Variants in RB1 observed in about 807,000 individuals in gnomAD.
RB1 encodes the protein RB transcriptional corepressor 1.
RB1 carries 18 observed loss-of-function variants against 135.4 expected under a neutral mutation model. The ratio of observed to expected loss-of-function variants is 0.13; its 90% CI spans 0.09 to 0.20. RB1 has a LOEUF of 0.20. Ranked by LOEUF, RB1 falls within the 10% of genes least tolerant of loss-of-function variation. The probability of loss-of-function intolerance (pLI) is 1.00; values close to 1 mark genes in which losing one functional copy is unlikely to be tolerated. For synonymous variants in RB1, 365 were observed against 373.2 expected (o/e 0.98, Z 0.25); for missense variants, 868 against 1,110.0 (o/e 0.78, Z 3.10).
At chr13:48,452,929 T>G in intron 17 of RB1, 64 bp from the exon 18 acceptor site, 6 of 1,601,184 alleles carry the variant, frequency 3.7e-6, no homozygotes, top group Non-Finnish European at 5.1e-6. Flanking sequence ...CAATATGATT[T>G]TGATATGTAC....
In RB1 at chr13:48,333,735, GAAAAA is replaced by G. The variant is rs369961896; in HGVS notation, c.265-8859_265-8855del. Among the ~76,000 whole-genome samples the G allele has an allele frequency of 7.1e-3, 956 of 133,718 alleles. 5 individuals carry two copies. The highest frequency in any genetic ancestry group is 0.025 in the African/African-American group (922 of 37,366). 87.7% of individuals were successfully genotyped at this position (133,718 alleles called of 152,430 possible). A position where few individuals can be genotyped will look rare whatever the true frequency, so the allele number is the denominator to read the frequency against. ...TCTCTGAGCATATGGAGAAAAAAAA[GAAAAA>G]AAAACAAAGAGAGAAAAAGCCACTC... On this transcript the variant is annotated intron_variant, in intron 2 of 26. Coordinates refer to ENST00000267163, the MANE Select transcript of RB1 (RefSeq NM_000321.3).
In RB1 at chr13:48,380,146, CTTT is replaced by C; in HGVS notation, c.1422-10_1422-8del. On this transcript the variant is annotated splice_polypyrimidine_tract_variant and intron_variant, in intron 15 of 26. Transcript: ENST00000267163. ...TTTATAGAAGTAAGTATTTTATAATCTTTTTTTTTTTCCTTTAGCAAACTTCTG... is the reference window on the plus strand; with the variant it reads ...TTTATAGAAGTAAGTATTTTATAATCTTTTTTTTCCTTTAGCAAACTTCTG... 6 of 1,149,806 alleles carry C rather than the reference CTTT, an allele frequency of 5.2e-6. No individual in the cohort carries two copies. Among genetic ancestry groups the C allele is most frequent in the African/African-American group, 1.7e-5 (1 of 59,892 alleles). The allele number at this position is 1,149,806 out of a possible 1,614,324, so 71.2% of individuals were successfully genotyped here. A position where few individuals can be genotyped will look rare whatever the true frequency, so the allele number is the denominator to read the frequency against.
At chr13:48,417,911 T>C (rs1948940347) in intron 17 of RB1, among the ~76,000 whole-genome samples, 1 of 152,212 alleles carries the variant, frequency 6.6e-6, no homozygotes. Context: ...ATTGTCCCTG[T>C]ACCTGAAAGT....
At chr13:48,434,876 G>A (rs1429454443) in intron 17 of RB1, among the ~76,000 whole-genome samples, 2 of 152,086 alleles carry the variant, frequency 1.3e-5, no homozygotes, top group African/African-American at 4.8e-5. Flanking sequence ...ATCCATTCAC[G>A]ATATTGCATG....
intron 2 of RB1, among the ~76,000 whole-genome samples, chr13:48,334,551 G>A (rs1952366599): frequency 1.3e-5 from 2 of 152,092 alleles, no homozygotes; most frequent in Admixed American, 6.5e-5. Flanking sequence ...CTGAGGTAGA[G>A]CACAAAAGCA....
At chr13:48,353,207 TTAAC>T (rs1163659387) in intron 6 of RB1, among the ~76,000 whole-genome samples, 2 of 151,702 alleles carry the variant, frequency 1.3e-5, no homozygotes, top group South Asian at 4.2e-4. Context: ...TTTAGCTAGA[TTAAC>T]TAAGGAAAAA....
intron 2 of RB1, among the ~76,000 whole-genome samples, chr13:48,340,607 T>C (rs1032210868): frequency 2.0e-5 from 3 of 149,040 alleles, no homozygotes; most frequent in East Asian, 1.9e-4. Context: ...AAGGCTGGAA[T>C]TGATGAAAGG....
chr13:48,323,923 T>A (rs1363523845), intron 2 of RB1, among the ~76,000 whole-genome samples: 1 of 152,094 alleles, frequency 6.6e-6, no homozygotes, highest in Non-Finnish European at 1.5e-5. Flanking sequence ...ACATTTTTCT[T>A]GTCATTTTTT....
chr13:48,422,114 A>T (rs183307955), intron 17 of RB1, among the ~76,000 whole-genome samples: 2 of 152,284 alleles, frequency 1.3e-5, no homozygotes, highest in African/African-American at 4.8e-5. Flanking sequence ...CTTGGAACCC[A>T]CCCAAATGCG....
chr13:48,400,914 T>A (rs1948686264), intron 17 of RB1, among the ~76,000 whole-genome samples: 1 of 152,124 alleles, frequency 6.6e-6, no homozygotes, highest in Admixed American at 6.6e-5. Flanking sequence ...TTACTATAAG[T>A]ACAGAGAATT....
At chr13:48,398,005 G>T (rs867560253) in intron 17 of RB1, among the ~76,000 whole-genome samples, 1 of 152,142 alleles carries the variant, frequency 6.6e-6, no homozygotes, top group Non-Finnish European at 1.5e-5. Flanking sequence ...TACAACTCAG[G>T]AAGGCAAGTG....
intron 17 of RB1, among the ~76,000 whole-genome samples, chr13:48,398,280 C>T (rs149608865): frequency 2.0e-5 from 3 of 152,150 alleles, no homozygotes; most frequent in Admixed American, 6.5e-5. Flanking sequence ...ACCTTTCTCA[C>T]TCTGACCCAA....
chr13:48,348,198 A>T (rs747694110), intron 5 of RB1, among the ~76,000 whole-genome samples: 4 of 151,942 alleles, frequency 2.6e-5, no homozygotes, highest in Non-Finnish European at 4.4e-5. Context: ...TAATCAGCAT[A>T]ATTTCTGTGT....
At chr13:48,373,806 A>T (rs1224039262) in intron 12 of RB1, among the ~76,000 whole-genome samples, 1 of 152,032 alleles carries the variant, frequency 6.6e-6, no homozygotes, top group Non-Finnish European at 1.5e-5. Flanking sequence ...CTTTAGTGGT[A>T]TTAATTTGGG....
chr13:48,411,550 A>G, intron 17 of RB1: 1 of 1,613,776 alleles, frequency 6.2e-7, no homozygotes, highest in Admixed American at 1.7e-5. Flanking sequence ...GATGTAAAGT[A>G]GTAAACTATA....
chr13:48,390,460 C>T (rs766676030), intron 17 of RB1, among the ~76,000 whole-genome samples: 14 of 151,982 alleles, frequency 9.2e-5, no homozygotes, highest in Non-Finnish European at 2.1e-4. Flanking sequence ...GGACATGTAG[C>T]AAGGAGGAAT....
intron 1 of RB1, among the ~76,000 whole-genome samples, chr13:48,306,347 G>C (rs903255068): frequency 1.3e-5 from 2 of 152,220 alleles, no homozygotes; most frequent in African/African-American, 4.8e-5. Flanking sequence ...TGAGACTGCA[G>C]TGAGCCATGA....
intron 2 of RB1, among the ~76,000 whole-genome samples, chr13:48,333,955 C>A (rs1952361021): frequency 6.6e-6 from 1 of 152,046 alleles, no homozygotes; most frequent in African/African-American, 2.4e-5. Context: ...CAGTTAAGAG[C>A]TGACAGGTTT....
At position 48,349,824 on chromosome 13, in the gene RB1, G is replaced by A. The variant is rs939496849; in HGVS notation, c.607+801G>A. On this transcript the variant is annotated intron_variant, in intron 6 of 26. Coordinates refer to ENST00000267163, the MANE Select transcript of RB1 (RefSeq NM_000321.3). Reference sequence around the variant, plus strand: ...CACTTTGCCTATAAAGACACATACCGACTGAAAATAAAGGGATGGAAAAAT... The same window carrying A: ...CACTTTGCCTATAAAGACACATACCAACTGAAAATAAAGGGATGGAAAAAT... 5.3e-5 allele frequency among the ~76,000 whole-genome samples: 8 copies of A among 151,898 alleles called. No individual in the cohort carries two copies. In the East Asian group the frequency reaches 7.7e-4, roughly 15 times the overall value.
Sources: gnomAD v4.1 joint callset for allele counts (sites outside exome capture counted in the v4.1 genomes callset) on GRCh38, gnomAD v4.1.1 for gene constraint, MANE v1.5 for transcripts, NCBI Gene and HGNC (gene_info 2026-07-23, HGNC 2026-07-21) for gene names.